The following EYA1 variants were observed in gnomAD, a reference collection of about 807,000 sequenced individuals.
EYA1 encodes the protein EYA transcriptional coactivator and phosphatase 1.
A neutral mutation model predicts 82.0 loss-of-function variants in EYA1; 16 were observed. That is an observed-to-expected ratio of 0.20 (90% confidence interval 0.13 to 0.30). The LOEUF (loss-of-function observed/expected upper bound fraction) is 0.30. Among genes scored for constraint, EYA1 ranks in the 10% least tolerant of loss-of-function variants. EYA1 has a pLI of 1.00. For synonymous variants in EYA1, 261 were observed against 264.4 expected (o/e 0.99, Z 0.12); for missense variants, 633 against 730.7 (o/e 0.87, Z 1.54).
intron 9 of EYA1, among the ~76,000 whole-genome samples, chr8:71,274,260 T>C (rs1196802091): frequency 1.6e-4 from 24 of 152,194 alleles, no homozygotes. Context: ...TGGAGGAAGA[T>C]GAAAATAAAA....
rs570472143 is a variant in EYA1 at position 71,271,779 on chromosome 8, A to C, written c.945T>G (p.Pro315=). 2 of 1,614,022 alleles carry C rather than the reference A, an allele frequency of 1.2e-6. No individual in the cohort carries two copies. Among genetic ancestry groups the C allele is most frequent in the Admixed American group, 1.7e-5 (1 of 60,008 alleles). ...GRGRRNNNPS[P]PPDSDLERVF... is the part of the protein sequence containing the mutation. ...GTACCTCAAGATCAGAATCTGGGGG[A>C]GGTGAAGGATTATTGTTTCTTCGGC... Residue 315 remains proline (P), a synonymous_variant, in exon 10 of 18, where the codon CCT becomes CCG. Coordinates refer to ENST00000340726, the MANE Select transcript of EYA1 (RefSeq NM_000503.6).
At chr8:71,465,974 C>T (rs1356004961) in intron 2 of EYA1, among the ~76,000 whole-genome samples, 1 of 152,110 alleles carries the variant, frequency 6.6e-6, no homozygotes, top group Admixed American at 6.5e-5. Context: ...TCATATTTCA[C>T]AGAATAAATG....
chr8:71,540,104 C>A (rs1815026601), intron 1 of EYA1, among the ~76,000 whole-genome samples: 1 of 139,458 alleles, frequency 7.2e-6, no homozygotes, highest in African/African-American at 2.8e-5. Context: ...TAGCTTTAAA[C>A]ACAGAAACTT....
chr8:71,293,364 A>G (rs1819211840), intron 9 of EYA1, among the ~76,000 whole-genome samples: 2 of 152,174 alleles, frequency 1.3e-5, no homozygotes, highest in Admixed American at 6.5e-5. Context: ...CTTAAGAAAA[A>G]GAATGATTAC....
intron 2 of EYA1, among the ~76,000 whole-genome samples, chr8:71,506,618 G>A (rs554814628): frequency 3.9e-5 from 6 of 152,210 alleles, no homozygotes; most frequent in African/African-American, 1.4e-4. Context: ...ACTAATCCTA[G>A]AGCTTTCAGA....
At chr8:71,317,407 A>C in intron 7 of EYA1, 145 bp downstream of exon 7, 1 of 788,362 alleles carries the variant, frequency 1.3e-6, no homozygotes, top group Non-Finnish European at 2.2e-6. Context: ...GTAAGTGATG[A>C]ATCAAACTAG....
At chr8:71,245,030 T>C (rs1231278690) in intron 11 of EYA1, among the ~76,000 whole-genome samples, 2 of 152,132 alleles carry the variant, frequency 1.3e-5, no homozygotes, top group Admixed American at 6.5e-5. Flanking sequence ...AAAAATTCAG[T>C]GAATCAAGTA....
chr8:71,355,014 C>T (rs930655962), intron 2 of EYA1, 105 bp from the exon 3 acceptor site: 1 of 1,132,732 alleles, frequency 8.8e-7, no homozygotes, highest in Non-Finnish European at 1.3e-6. Context: ...CACAAAAGTC[C>T]CATTGTATCT....
intron 12 of EYA1, among the ~76,000 whole-genome samples, chr8:71,226,117 T>G (rs748392358): frequency 6.6e-6 from 1 of 152,204 alleles, no homozygotes; most frequent in Non-Finnish European, 1.5e-5. Context: ...GGTATATGCA[T>G]AAAATTATGG....
chr8:71,385,018 T>G (rs1828899920), intron 2 of EYA1, among the ~76,000 whole-genome samples: 1 of 152,092 alleles, frequency 6.6e-6, no homozygotes, highest in African/African-American at 2.4e-5. Context: ...TTTTTATTTT[T>G]TATTTTTTTG....
intron 9 of EYA1, among the ~76,000 whole-genome samples, chr8:71,277,115 A>ATTTTTTTTTTTTTT (rs9298167): frequency 5.2e-5 from 4 of 76,938 alleles, no homozygotes; most frequent in East Asian, 3.8e-4. Flanking sequence ...GGCTTCACAC[A>ATTTTTTTTTTTTTT]TTTTTTTTTT....
intron 2 of EYA1, among the ~76,000 whole-genome samples, chr8:71,432,337 T>G (rs1156538113): frequency 2.0e-5 from 3 of 152,208 alleles, no homozygotes; most frequent in Non-Finnish European, 4.4e-5. Context: ...AGAGCTGGCT[T>G]TTAAAAAGAA....
intron 11 of EYA1, among the ~76,000 whole-genome samples, chr8:71,257,379 AT>A (rs746762268): frequency 5.3e-5 from 8 of 152,090 alleles, no homozygotes; most frequent in Non-Finnish European, 1.0e-4. Context: ...GTTAAAAAAA[AT>A]ATAAAAATAT....
At chr8:71,527,375 C>A (rs1214753094) in intron 2 of EYA1, among the ~76,000 whole-genome samples, 1 of 152,132 alleles carries the variant, frequency 6.6e-6, no homozygotes, top group African/African-American at 2.4e-5. Context: ...GGACACCAGT[C>A]GAATCATACT....
intron 3 of EYA1, among the ~76,000 whole-genome samples, chr8:71,344,546 T>C (rs1825502271): frequency 6.6e-6 from 1 of 152,232 alleles, no homozygotes; most frequent in African/African-American, 2.4e-5. Context: ...AAATGCTAAA[T>C]ACATAGTCCA....
chr8:71,358,961 T>C (rs973707159), intron 1 of EYA1, among the ~76,000 whole-genome samples: 1 of 152,206 alleles, frequency 6.6e-6, no homozygotes, highest in African/African-American at 2.4e-5. Flanking sequence ...AGCATGTTTC[T>C]TGTCTTCTCC....
chr8:71,199,678 G>GTGACT, intron 17 of EYA1, among the ~76,000 whole-genome samples: 1 of 152,366 alleles, frequency 6.6e-6, no homozygotes, highest in South Asian at 2.1e-4. Context: ...GATCTACACT[G>GTGACT]TGACTTGAAT....
chr8:71,521,908 G>T (rs1389103002), intron 2 of EYA1, among the ~76,000 whole-genome samples: 1 of 152,092 alleles, frequency 6.6e-6, no homozygotes, highest in Non-Finnish European at 1.5e-5. Flanking sequence ...ACAAGAAAGA[G>T]AAGAGAAAAG....
intron 11 of EYA1, among the ~76,000 whole-genome samples, chr8:71,255,878 A>C (rs1814350505): frequency 6.6e-6 from 1 of 152,188 alleles, no homozygotes; most frequent in African/African-American, 2.4e-5. Flanking sequence ...CAATAAAAAA[A>C]ACCCTGATTT....
Sources: allele counts gnomAD v4.1 joint callset (sites outside exome capture counted in the v4.1 genomes callset), GRCh38; gene constraint gnomAD v4.1.1; transcripts MANE v1.5; gene names NCBI Gene and HGNC (gene_info 2026-07-23, HGNC 2026-07-21).